Variants in NAV3 observed in about 807,000 individuals in gnomAD.
The protein encoded by NAV3 is pore membrane and/or filament interacting like protein 1.
A neutral mutation model predicts 244.7 loss-of-function variants in NAV3; 87 were observed. The observed-to-expected ratio is 0.36, with a 90% confidence interval of 0.30 to 0.42. NAV3 has a LOEUF of 0.42. NAV3 is among the 20% of genes least tolerant of loss of function. The pLI, the probability that NAV3 is intolerant of heterozygous loss-of-function variation, is 1.00. For missense variants in NAV3, 2,663 were observed against 2,893.3 expected (o/e 0.92, Z 1.83); for synonymous variants, 1,126 against 1,042.2 (o/e 1.08, Z -1.55).
intron 2 of NAV3, among the ~76,000 whole-genome samples, chr12:77,704,027 A>C (rs1021285864): frequency 2.0e-5 from 3 of 152,202 alleles, no homozygotes; most frequent in African/African-American, 4.8e-5. Flanking sequence ...TATCTTGTTG[A>C]GGTCACTGCC....
At chr12:78,197,049 C>T (rs1959184678) in intron 34 of NAV3, among the ~76,000 whole-genome samples, 198 bp from the exon 35 acceptor site, 1 of 151,748 alleles carries the variant, frequency 6.6e-6, no homozygotes, top group Non-Finnish European at 1.5e-5. Flanking sequence ...CTTTTTCTTG[C>T]TTTCATTTAA....
At position 77,752,442 on chromosome 12, in the gene NAV3, T is replaced by C. The variant is rs190141911; in HGVS notation, c.72+180176T>C. Among the ~76,000 whole-genome samples the C allele has an allele frequency of 4.6e-5, 7 of 152,056 alleles. No homozygotes were observed. In the East Asian group the frequency reaches 9.7e-4, roughly 21 times the overall value. On this transcript the variant is annotated intron_variant, in intron 2 of 8. Coordinates refer to the NAV3 transcript ENST00000550042. ...ATTAACAAATAAAAGTAGCCGAGAG[T>C]CCATTTTTCTTAGTTTATAGATAAA...
At chr12:77,905,227 G>T (rs983360120) in intron 1 of NAV3, among the ~76,000 whole-genome samples, 1 of 151,992 alleles carries the variant, frequency 6.6e-6, no homozygotes, top group African/African-American at 2.4e-5. Flanking sequence ...TTATAGAATT[G>T]CTTTGGGGGA....
intron 12 of NAV3, among the ~76,000 whole-genome samples, chr12:78,106,477 T>C (rs970626696): frequency 3.3e-5 from 5 of 152,170 alleles, no homozygotes; most frequent in African/African-American, 4.8e-5. Context: ...TGTTAAAGTA[T>C]CAGTATTTCC....
intron 9 of NAV3, among the ~76,000 whole-genome samples, chr12:78,038,708 C>T (rs560921049): frequency 9.2e-5 from 14 of 152,242 alleles, no homozygotes; most frequent in South Asian, 6.2e-4. Flanking sequence ...AGCACAAAGG[C>T]GAGAGAAAGT....
intron 2 of NAV3, among the ~76,000 whole-genome samples, chr12:77,749,320 T>A (rs1440875540): frequency 6.6e-6 from 1 of 152,332 alleles, no homozygotes; most frequent in African/African-American, 2.4e-5. Context: ...TATTCAGGGA[T>A]CAAACCTAGT....
intron 2 of NAV3, among the ~76,000 whole-genome samples, chr12:77,685,655 A>G (rs1169699871): frequency 6.6e-6 from 1 of 152,202 alleles, no homozygotes; most frequent in Non-Finnish European, 1.5e-5. Context: ...TCCACCCAGC[A>G]AGCCTCAGAG....
intron 17 of NAV3, among the ~76,000 whole-genome samples, chr12:78,128,055 G>A (rs558113756): frequency 2.2e-4 from 34 of 152,042 alleles, no homozygotes; most frequent in African/African-American, 7.5e-4. Flanking sequence ...TACTTAGTTT[G>A]GTGAAACACT....
intron 12 of NAV3, among the ~76,000 whole-genome samples, chr12:78,066,902 A>G (rs1885080300): frequency 6.6e-6 from 1 of 152,124 alleles, no homozygotes; most frequent in Admixed American, 6.6e-5. Context: ...GTTCAAATCT[A>G]AATACATAGT....
chr12:78,027,080 G>C (rs1015090867), intron 9 of NAV3, among the ~76,000 whole-genome samples: 1 of 152,082 alleles, frequency 6.6e-6, no homozygotes, highest in African/African-American at 2.4e-5. Context: ...TTATTCTACA[G>C]AAGTAATGTT....
chr12:77,812,072 A>G (rs957718779), intron 2 of NAV3, among the ~76,000 whole-genome samples: 1 of 152,140 alleles, frequency 6.6e-6, no homozygotes, highest in Non-Finnish European at 1.5e-5. Flanking sequence ...TTCTTTACTC[A>G]GTGAGATGTG....
chr12:77,786,452 T>A (rs767907677), intron 2 of NAV3, among the ~76,000 whole-genome samples: 59 of 152,188 alleles, frequency 3.9e-4, no homozygotes, highest in Non-Finnish European at 4.3e-4. Flanking sequence ...TTTGTCTTTG[T>A]AACACTAGGA....
chr12:78,142,518 G>A (rs1212075232), intron 20 of NAV3, among the ~76,000 whole-genome samples: 1 of 151,748 alleles, frequency 6.6e-6, no homozygotes, highest in Admixed American at 6.6e-5. Flanking sequence ...AGATTGGATA[G>A]TGCAAGTTTA....
chr12:78,017,489 A>G (rs1413599052), intron 8 of NAV3, among the ~76,000 whole-genome samples: 1 of 152,160 alleles, frequency 6.6e-6, no homozygotes, highest in African/African-American at 2.4e-5. Context: ...GCTGTATCTT[A>G]TAGTTTCAAT....
At chr12:77,885,806 G>A (rs993504459) in intron 1 of NAV3, among the ~76,000 whole-genome samples, 4 of 152,076 alleles carry the variant, frequency 2.6e-5, no homozygotes, top group African/African-American at 7.2e-5. Flanking sequence ...TGCTTAAGAT[G>A]AGTTTAAATA....
At chr12:77,692,147 T>C (rs936609435) in intron 2 of NAV3, among the ~76,000 whole-genome samples, 1 of 151,888 alleles carries the variant, frequency 6.6e-6, no homozygotes, top group African/African-American at 2.4e-5. Context: ...TACATATAAA[T>C]GGGAGACAAA....
chr12:77,746,863 T>G (rs568950178), intron 2 of NAV3, among the ~76,000 whole-genome samples: 1 of 152,188 alleles, frequency 6.6e-6, no homozygotes, highest in African/African-American at 2.4e-5. Flanking sequence ...TTTCCTGTGT[T>G]ACTATTTCTA....
chr12:77,667,585 G>A (rs1436572814), intron 2 of NAV3, among the ~76,000 whole-genome samples: 3 of 152,076 alleles, frequency 2.0e-5, no homozygotes, highest in African/African-American at 7.2e-5. Flanking sequence ...ATCCCCCACA[G>A]TAGTCACACG....
chr12:78,128,122 C>T (rs1475090637), intron 17 of NAV3, among the ~76,000 whole-genome samples: 1 of 151,950 alleles, frequency 6.6e-6, no homozygotes, highest in Non-Finnish European at 1.5e-5. Context: ...AATTTTTCAG[C>T]AATAGCAAAT....
Sources: gnomAD v4.1 joint callset for allele counts (sites outside exome capture counted in the v4.1 genomes callset) on GRCh38, gnomAD v4.1.1 for gene constraint, MANE v1.5 for transcripts, NCBI Gene and HGNC (gene_info 2026-07-23, HGNC 2026-07-21) for gene names.